A1CF: variants seen among roughly 807,000 people sequenced by gnomAD.
The protein encoded by A1CF is APOBEC-1 stimulating protein.
A neutral mutation model predicts 68.9 loss-of-function variants in A1CF; 48 were observed. The observed-to-expected ratio is 0.70, with a 90% CI of 0.55 to 0.89. The LOEUF is 0.89. A1CF is among the 40% of genes least tolerant of loss of function. A1CF has a pLI of 0.00. For synonymous variants in A1CF, 272 were observed against 260.4 expected (o/e 1.04, Z -0.43); for missense variants, 653 against 718.9 (o/e 0.91, Z 1.05).
intron 6 of A1CF, among the ~76,000 whole-genome samples, chr10:50,834,791 G>A (rs1026001563): frequency 2.0e-5 from 3 of 152,168 alleles, no homozygotes; most frequent in African/African-American, 4.8e-5. Flanking sequence ...GGAAGAGAAA[G>A]CAGAGCTGGG....
intron 2 of A1CF, among the ~76,000 whole-genome samples, chr10:50,861,115 C>T (rs772033578): frequency 1.3e-5 from 2 of 151,888 alleles, no homozygotes; most frequent in East Asian, 1.9e-4. Flanking sequence ...AATGAAGACA[C>T]CATTAATAAT....
intron 1 of A1CF, among the ~76,000 whole-genome samples, chr10:50,879,494 G>C (rs1841674348): frequency 6.6e-6 from 1 of 152,168 alleles, no homozygotes; most frequent in Non-Finnish European, 1.5e-5. Flanking sequence ...TAAAGAAAGA[G>C]GTTTAATTGA....
At chr10:50,837,692 A>T (rs944311618) in intron 5 of A1CF, among the ~76,000 whole-genome samples, 24 of 152,312 alleles carry the variant, frequency 1.6e-4, no homozygotes, top group Non-Finnish European at 2.4e-4. Context: ...CTGATCATTC[A>T]AAAGTGCCTC....
chr10:50,812,812 T>A, intron 10 of A1CF, among the ~76,000 whole-genome samples: 1 of 152,244 alleles, frequency 6.6e-6, no homozygotes, highest in Non-Finnish European at 1.5e-5. Flanking sequence ...ACATGGTGCA[T>A]AAGAGAAGTT....
chr10:50,814,236 T>A (rs960195316), intron 9 of A1CF, among the ~76,000 whole-genome samples, 198 bp from the exon 10 acceptor site: 3 of 152,234 alleles, frequency 2.0e-5, no homozygotes, highest in Non-Finnish European at 2.9e-5. Flanking sequence ...AACATAGGTG[T>A]CTCTCTTTTT....
At chr10:50,875,549 T>C (rs1841472150) in intron 1 of A1CF, among the ~76,000 whole-genome samples, 1 of 152,240 alleles carries the variant, frequency 6.6e-6, no homozygotes, top group Non-Finnish European at 1.5e-5. Context: ...TGAATTGCTA[T>C]GAATTCTAAC....
In A1CF at chr10:50,809,900, A is replaced by AAGCAGTAGC; in HGVS notation, c.1594_1602dup (p.Ala532_Ala534dup). On this transcript the variant is annotated inframe_insertion, in exon 12 of 13. Transcript: ENST00000373997. ...TGGCACAATTTTCCCATACCTGGGAAAGCAGTAGCAGCAGCAGCAGCAGTA... is the reference window on the plus strand; with the variant it reads ...TGGCACAATTTTCCCATACCTGGGAAAGCAGTAGCAGCAGTAGCAGCAGCAGCAGCAGTA... 6.2e-7 allele frequency: 1 copy of AAGCAGTAGC among 1,613,888 alleles called. No individual in the cohort carries two copies. The highest frequency in any genetic ancestry group is 8.5e-7 in the Non-Finnish European group (1 of 1,179,870).
At chr10:50,872,429 G>T (rs187811666) in intron 1 of A1CF, among the ~76,000 whole-genome samples, 1 of 152,194 alleles carries the variant, frequency 6.6e-6, no homozygotes, top group Admixed American at 6.5e-5. Context: ...GCAGACAGAT[G>T]ATTTGAATTT....
chr10:50,814,089 G>C, intron 9 of A1CF, 51 bp from the exon 10 acceptor site: 1 of 1,594,090 alleles, frequency 6.3e-7, no homozygotes, highest in Non-Finnish European at 8.6e-7. Flanking sequence ...GCATTAAACT[G>C]AATCAAACCA....
At chr10:50,812,757 G>A (rs1838177494) in intron 10 of A1CF, among the ~76,000 whole-genome samples, 1 of 152,080 alleles carries the variant, frequency 6.6e-6, no homozygotes, top group South Asian at 2.1e-4. Context: ...TTCATGATAA[G>A]GATTTTGTTA....
At chr10:50,870,993 C>T (rs986343269) in intron 1 of A1CF, among the ~76,000 whole-genome samples, 2 of 151,630 alleles carry the variant, frequency 1.3e-5, no homozygotes, top group African/African-American at 4.8e-5. Flanking sequence ...GTGATCATCA[C>T]AGTAAATCTA....
At position 50,800,421 on chromosome 10, in the gene A1CF, T is replaced by C. The variant is rs1421972595; in HGVS notation, c.*6308A>G. Reference sequence around the variant, plus strand: ...AGAGTTTGGCAATAATAGTGGAAACTTAAGGTTTAGAACAGAGTTGATTTA... The same window carrying C: ...AGAGTTTGGCAATAATAGTGGAAACCTAAGGTTTAGAACAGAGTTGATTTA... On this transcript the variant is annotated 3_prime_UTR_variant, in exon 13 of 13. Coordinates refer to ENST00000373997, the MANE Select transcript of A1CF (RefSeq NM_014576.4). 7 of 152,306 alleles carry C rather than the reference T, an allele frequency of 4.6e-5. No homozygotes were observed. In the East Asian group the frequency reaches 1.4e-3, roughly 29 times the overall value. 9.4% of individuals were successfully genotyped at this position (152,306 alleles called of 1,614,324 possible).
chr10:50,875,155 A>G (rs1841451643), intron 1 of A1CF, among the ~76,000 whole-genome samples: 1 of 152,260 alleles, frequency 6.6e-6, no homozygotes, highest in Non-Finnish European at 1.5e-5. Context: ...TGAGAAAGGT[A>G]GAAATTAGAC....
At chr10:50,840,199 T>C (rs962624410) in intron 5 of A1CF, among the ~76,000 whole-genome samples, 1 of 151,888 alleles carries the variant, frequency 6.6e-6, no homozygotes, top group Non-Finnish European at 1.5e-5. Context: ...CATTTTAAGG[T>C]GCAGTTCTCT....
chr10:50,821,569 CTT>C (rs897150801), intron 7 of A1CF, among the ~76,000 whole-genome samples: 24 of 150,342 alleles, frequency 1.6e-4, no homozygotes, highest in African/African-American at 5.6e-4. Context: ...GAGTTTTGCT[CTT>C]GTTGCCCAGG....
intron 1 of A1CF, among the ~76,000 whole-genome samples, chr10:50,884,820 T>A (rs1841932605): frequency 6.6e-6 from 1 of 152,202 alleles, no homozygotes; most frequent in Non-Finnish European, 1.5e-5. Flanking sequence ...TTTTGGTAAA[T>A]GTCCAGATTG....
chr10:50,819,272 T>C (rs931969009), intron 8 of A1CF, among the ~76,000 whole-genome samples: 1 of 152,076 alleles, frequency 6.6e-6, no homozygotes, highest in African/African-American at 2.4e-5. Context: ...ACTACTGTAG[T>C]AGTCCATGCT....
intron 1 of A1CF, among the ~76,000 whole-genome samples, chr10:50,875,152 G>A (rs1841451256): frequency 6.6e-6 from 1 of 151,986 alleles, no homozygotes; most frequent in Admixed American, 6.6e-5. Flanking sequence ...ACATGAGAAA[G>A]GTAGAAATTA....
At chr10:50,862,754 G>T (rs950711623) in intron 2 of A1CF, 1 of 152,194 alleles carries the variant, frequency 6.6e-6, no homozygotes, top group African/African-American at 2.4e-5. Context: ...ATTAACTCTT[G>T]CTTTTTTCCC....
Sources: gnomAD v4.1 joint callset for allele counts (sites outside exome capture counted in the v4.1 genomes callset) on GRCh38, gnomAD v4.1.1 for gene constraint, MANE v1.5 for transcripts, NCBI Gene and HGNC (gene_info 2026-07-23, HGNC 2026-07-21) for gene names.